Variants in PTH2R observed in about 807,000 individuals in gnomAD.
PTH2R encodes the protein PTH2 receptor.
In PTH2R, 59 loss-of-function variants were observed where a neutral mutation model predicts 60.3. The observed-to-expected ratio is 0.98, with a 90% CI of 0.79 to 1.22. PTH2R has a LOEUF of 1.22. Ranked by LOEUF, PTH2R falls within the 50% of genes most tolerant of loss-of-function variation. The pLI is 0.00. For missense variants in PTH2R, 749 were observed against 682.6 expected (o/e 1.10, Z -1.08); for synonymous variants, 256 against 243.8 (o/e 1.05, Z -0.47).
intron 9 of PTH2R, among the ~76,000 whole-genome samples, chr2:208,461,899 T>C (rs778677040): frequency 2.0e-4 from 30 of 152,224 alleles, no homozygotes; most frequent in Non-Finnish European, 3.5e-4. Context: ...GAAGGAGAAA[T>C]AGAAGTGATG....
chr2:208,364,454 A>T (rs1254768069), intron 1 of PTH2R, among the ~76,000 whole-genome samples: 7 of 152,088 alleles, frequency 4.6e-5, no homozygotes, highest in Admixed American at 1.3e-4. Context: ...GTAAATATCC[A>T]GTTTTCCCAG....
chr2:208,418,594 A>G (rs1701689153), intron 1 of PTH2R, among the ~76,000 whole-genome samples: 1 of 152,146 alleles, frequency 6.6e-6, no homozygotes, highest in South Asian at 2.1e-4. Flanking sequence ...GAAAAAAGGT[A>G]CTTAGAAAAT....
In PTH2R at chr2:208,442,201, T is replaced by C. The variant is rs115774485; in HGVS notation, c.412-163T>C. ...AATGAACTTGGTTTGTCAAAACCTA[T>C]CAAAATGCTCACTCCAGATCTCTAC... On this transcript the variant is annotated intron_variant, in intron 4 of 12. Transcript: ENST00000272847. Among the ~76,000 whole-genome samples, 1,122 of 152,258 alleles carry C rather than the reference T, an allele frequency of 7.4e-3. 11 individuals are homozygous for C. The highest frequency in any genetic ancestry group is 0.025 in the African/African-American group (1,059 of 41,538).
chr2:208,365,979 T>A lies in PTH2R; in HGVS notation c.-259+5742T>A, dbSNP rs1169115364. Among the ~76,000 whole-genome samples the A allele has an allele frequency of 3.4e-3, 321 of 94,968 alleles. 2 individuals are homozygous for A. Among genetic ancestry groups the A allele is most frequent in the African/African-American group, 5.2e-3 (124 of 23,692 alleles). 62.3% of individuals were successfully genotyped at this position (94,968 alleles called of 152,430 possible). On this transcript the variant is annotated intron_variant, in intron 1 of 12. Coordinates refer to the PTH2R transcript ENST00000617735. ...ATATATATTTTTTTTTTTTTTTTTT[T>A]TTTTTTTTTTTTTTTTTGCAGAGAC...
intron 1 of PTH2R, among the ~76,000 whole-genome samples, chr2:208,423,633 C>T (rs551121327): frequency 6.6e-6 from 1 of 152,256 alleles, no homozygotes; most frequent in East Asian, 1.9e-4. Flanking sequence ...TTGTTGAGTT[C>T]TATATCCTTG....
At chr2:208,401,939 A>C (rs1701317902), upstream of PTH2R, among the ~76,000 whole-genome samples, 1 of 152,124 alleles carries the variant, frequency 6.6e-6, no homozygotes, top group African/African-American at 2.4e-5. Flanking sequence ...TCTCCACTGC[A>C]CCTGTTCTAC....
chr2:208,412,906 T>C (rs1701568981), intron 1 of PTH2R, among the ~76,000 whole-genome samples: 1 of 152,222 alleles, frequency 6.6e-6, no homozygotes, highest in Admixed American at 6.5e-5. Flanking sequence ...ATGTCATAAA[T>C]GAAATTTTAT....
At chr2:208,437,727 T>G in intron 3 of PTH2R, 33 bp from the exon 4 acceptor site, 1 of 1,606,962 alleles carries the variant, frequency 6.2e-7, no homozygotes, top group Non-Finnish European at 8.5e-7. Context: ...CTAAGGGAAC[T>G]GAGCGATCTC....
chr2:208,389,264 AC>A (rs1221720061), intron 1 of PTH2R, among the ~76,000 whole-genome samples: 2 of 150,462 alleles, frequency 1.3e-5, no homozygotes, highest in African/African-American at 2.5e-5. Flanking sequence ...ACACACACAC[AC>A]ACAATCTATT....
chr2:208,439,349 A>T (rs1702138767), intron 4 of PTH2R, among the ~76,000 whole-genome samples: 1 of 152,134 alleles, frequency 6.6e-6, no homozygotes, highest in South Asian at 2.1e-4. Flanking sequence ...TAAAAACACA[A>T]AAAATGTTTT....
intron 1 of PTH2R, among the ~76,000 whole-genome samples, chr2:208,426,729 C>G (rs758643822): frequency 6.6e-6 from 1 of 152,178 alleles, no homozygotes; most frequent in Admixed American, 6.5e-5. Flanking sequence ...GAAGAAGGTG[C>G]CTCCTTCTCC....
upstream of PTH2R, among the ~76,000 whole-genome samples, chr2:208,404,536 T>C (rs1446810829): frequency 1.3e-5 from 2 of 152,228 alleles, no homozygotes. Flanking sequence ...CCAAGCTTAC[T>C]GTCATTTGTA....
chr2:208,480,439 G>A (rs1314874250), intron 9 of PTH2R, among the ~76,000 whole-genome samples: 1 of 152,040 alleles, frequency 6.6e-6, no homozygotes, highest in African/African-American at 2.4e-5. Context: ...GATCCTTGAG[G>A]TCCTCAGACA....
chr2:208,414,983 C>T (rs774216926), intron 1 of PTH2R, among the ~76,000 whole-genome samples: 28 of 151,994 alleles, frequency 1.8e-4, no homozygotes, highest in Admixed American at 3.9e-4. Context: ...TGAGGAAAGC[C>T]TGAGAAACTA....
chr2:208,375,725 A>T (rs1242923980), intron 1 of PTH2R, among the ~76,000 whole-genome samples: 1 of 152,092 alleles, frequency 6.6e-6, no homozygotes, highest in Non-Finnish European at 1.5e-5. Flanking sequence ...ATGCCTATGA[A>T]TCTAATCAGA....
intron 1 of PTH2R, among the ~76,000 whole-genome samples, chr2:208,418,269 A>G (rs1444900438): frequency 2.0e-5 from 3 of 152,152 alleles, no homozygotes; most frequent in Non-Finnish European, 4.4e-5. Context: ...TATACCATAT[A>G]CTTATCAAAG....
intron 1 of PTH2R, among the ~76,000 whole-genome samples, chr2:208,397,104 A>G (rs572339484): frequency 6.6e-6 from 1 of 151,986 alleles, no homozygotes; most frequent in Non-Finnish European, 1.5e-5. Context: ...GAATTGAACA[A>G]TGAGAACACT....
At chr2:208,421,365 GGTGT>G (rs10567822) in intron 1 of PTH2R, among the ~76,000 whole-genome samples, 12 of 148,022 alleles carry the variant, frequency 8.1e-5, no homozygotes, top group Admixed American at 2.0e-4. Context: ...TCATATTGGG[GGTGT>G]GTGTGTGTGT....
intron 1 of PTH2R, among the ~76,000 whole-genome samples, chr2:208,414,215 T>C (rs1701595200): frequency 6.6e-6 from 1 of 152,182 alleles, no homozygotes; most frequent in Non-Finnish European, 1.5e-5. Flanking sequence ...CTTGAAATGC[T>C]TGAGGTTAGA....
Sources: gnomAD v4.1 joint callset for allele counts (sites outside exome capture counted in the v4.1 genomes callset) on GRCh38, gnomAD v4.1.1 for gene constraint, MANE v1.5 for transcripts, NCBI Gene and HGNC (gene_info 2026-07-23, HGNC 2026-07-21) for gene names.